Variants in RASAL2 observed in about 807,000 individuals in gnomAD.
The protein encoded by RASAL2 is ras GTPase-activating protein nGAP.
In RASAL2, 58 loss-of-function variants were observed where a neutral mutation model predicts 128.9. The ratio of observed to expected loss-of-function variants is 0.45; its 90% CI spans 0.36 to 0.56. RASAL2 has a LOEUF of 0.56. Ranked by LOEUF, RASAL2 falls within the 20% of genes least tolerant of loss-of-function variation. The pLI is 0.00. For synonymous variants in RASAL2, 561 were observed against 580.8 expected (o/e 0.97, Z 0.49); for missense variants, 1,360 against 1,601.6 (o/e 0.85, Z 2.57).
chr1:178,248,125 GT>G (rs1316685382), intron 1 of RASAL2, among the ~76,000 whole-genome samples: 2 of 152,176 alleles, frequency 1.3e-5, no homozygotes, highest in Non-Finnish European at 2.9e-5. Context: ...GAATATCCTT[GT>G]TAATTTTCTG....
intron 4 of RASAL2, among the ~76,000 whole-genome samples, chr1:178,393,084 AATC>A (rs1307611871): frequency 1.3e-5 from 2 of 152,130 alleles, no homozygotes; most frequent in Middle Eastern, 3.2e-3. Flanking sequence ...ACTCTTATCT[AATC>A]ATAGCCATAA....
At chr1:178,150,742 C>T (rs879519105) in intron 1 of RASAL2, among the ~76,000 whole-genome samples, 2 of 151,934 alleles carry the variant, frequency 1.3e-5, no homozygotes, top group Non-Finnish European at 2.9e-5. Flanking sequence ...TATTTTTAAC[C>T]CCCAAATCAA....
chr1:178,246,599 C>CTT (rs1406714339), intron 1 of RASAL2, among the ~76,000 whole-genome samples: 1 of 152,134 alleles, frequency 6.6e-6, no homozygotes, highest in Non-Finnish European at 1.5e-5. Flanking sequence ...ACTTCCAACA[C>CTT]TATGTTGAAT....
chr1:178,245,026 G>T (rs1454914380), intron 1 of RASAL2, among the ~76,000 whole-genome samples: 12 of 152,140 alleles, frequency 7.9e-5, no homozygotes, highest in Non-Finnish European at 1.8e-4. Context: ...AAATAGTGCT[G>T]CAATAAACAT....
chr1:178,164,269 TGCGGCACTTTTCTG>T (rs1661434917), intron 1 of RASAL2, among the ~76,000 whole-genome samples: 1 of 152,134 alleles, frequency 6.6e-6, no homozygotes, highest in African/African-American at 2.4e-5. Context: ...TGGTCAAAAA[TGCGGCACTTTTCTG>T]AGTTCAGGAC....
Position 178,445,628 on chromosome 1 carries a change from G to T in RASAL2, c.1593G>T (p.Lys531Asn). The T allele has an allele frequency of 6.2e-7, 1 of 1,613,658 alleles. No homozygotes were observed. Among genetic ancestry groups the T allele is most frequent in the Non-Finnish European group, 8.5e-7 (1 of 1,179,716 alleles). ...IATKSIEEYLKLVGQQYLHDA... is the reference protein window; with the variant it reads ...IATKSIEEYLNLVGQQYLHDA... ...CCAAATCCATTGAGGAATACCTCAAGTTGGTGGGACAACAGTATCTTCATG... is the reference window on the plus strand; with the variant it reads ...CCAAATCCATTGAGGAATACCTCAATTTGGTGGGACAACAGTATCTTCATG... Residue 531 changes from lysine (K) to asparagine (N), a missense_variant, in exon 9 of 18, where the codon AAG becomes AAT. Physicochemically the swap from Lys to Asn is moderately conservative, Grantham distance 94 (BLOSUM62 0). Around this residue, in one of 3 missense-constraint regions of RASAL2, gnomAD observed 617 missense variants for 714.2 expected, o/e 0.86. Transcript: ENST00000367649.
chr1:178,174,484 GATGGCCTAATAT>G (rs1365552327), intron 1 of RASAL2, among the ~76,000 whole-genome samples: 1 of 152,098 alleles, frequency 6.6e-6, no homozygotes, highest in Non-Finnish European at 1.5e-5. Flanking sequence ...GAAATTGAGT[GATGGCCTAATAT>G]ACACTTCTAA....
intron 12 of RASAL2, among the ~76,000 whole-genome samples, chr1:178,455,463 A>G (rs1165556683): frequency 6.6e-6 from 1 of 152,230 alleles, no homozygotes; most frequent in Non-Finnish European, 1.5e-5. Flanking sequence ...CCTATCAATA[A>G]AAATGCTATA....
intron 4 of RASAL2, among the ~76,000 whole-genome samples, chr1:178,396,137 C>G (rs1260158604): frequency 6.6e-6 from 1 of 152,028 alleles, no homozygotes; most frequent in Non-Finnish European, 1.5e-5. Flanking sequence ...ACTACCAAGA[C>G]TCTAAACTTG....
intron 1 of RASAL2, among the ~76,000 whole-genome samples, chr1:178,164,481 TTGTG>T (rs35942778): frequency 2.0e-4 from 29 of 145,098 alleles, no homozygotes; most frequent in East Asian, 4.1e-4. Context: ...TAATTAGCAT[TTGTG>T]TGTGTGTGTG....
chr1:178,266,772 G>A (rs1244964701), intron 1 of RASAL2, among the ~76,000 whole-genome samples: 3 of 152,148 alleles, frequency 2.0e-5, no homozygotes, highest in African/African-American at 7.2e-5. Flanking sequence ...GTTTGATCAG[G>A]CATGTCATTC....
chr1:178,298,206 A>T (rs1667603515), intron 2 of RASAL2, among the ~76,000 whole-genome samples: 1 of 152,212 alleles, frequency 6.6e-6, no homozygotes, highest in Non-Finnish European at 1.5e-5. Flanking sequence ...AGTAGAGATA[A>T]TAAAATTTCC....
intron 3 of RASAL2, among the ~76,000 whole-genome samples, chr1:178,334,408 G>A (rs551205479): frequency 8.0e-5 from 12 of 150,704 alleles, no homozygotes; most frequent in African/African-American, 1.7e-4. Flanking sequence ...GCACTATCTC[G>A]GGTCACTGCA....
chr1:178,453,536 A>G (rs1018852846), intron 11 of RASAL2, among the ~76,000 whole-genome samples: 1 of 152,112 alleles, frequency 6.6e-6, no homozygotes. Context: ...AAAATTTTTC[A>G]AAAGAAAATT....
intron 1 of RASAL2, among the ~76,000 whole-genome samples, chr1:178,146,690 T>A (rs1385140932): frequency 1.3e-5 from 2 of 152,238 alleles, no homozygotes. Context: ...ATTTGAATAA[T>A]GAATTAACAT....
chr1:178,369,191 C>T (rs1212882674), intron 3 of RASAL2, among the ~76,000 whole-genome samples: 2 of 150,488 alleles, frequency 1.3e-5, no homozygotes, highest in Non-Finnish European at 3.0e-5. Context: ...TATGGGGTCT[C>T]GCTTGTACCC....
chr1:178,225,421 A>C (rs1663751695), intron 1 of RASAL2, among the ~76,000 whole-genome samples: 1 of 152,018 alleles, frequency 6.6e-6, no homozygotes, highest in Non-Finnish European at 1.5e-5. Flanking sequence ...TCATTATTTT[A>C]AATAAAAGTA....
chr1:178,180,131 T>G (rs1336279210), intron 1 of RASAL2, among the ~76,000 whole-genome samples: 1 of 152,128 alleles, frequency 6.6e-6, no homozygotes, highest in Non-Finnish European at 1.5e-5. Context: ...TACATAAGGT[T>G]TCAGATTAAA....
rs747713824 is a variant in RASAL2 at position 178,473,151 on chromosome 1, G to A, written c.3755G>A (p.Ser1252Asn). 5.6e-6 allele frequency: 9 copies of A among 1,614,094 alleles called. No homozygotes were observed. Among genetic ancestry groups the A allele is most frequent in the Non-Finnish European group, 7.6e-6 (9 of 1,180,048 alleles). Reference protein sequence around the residue: ...SALTQVKERYSMQVRNGISPT... With the variant: ...SALTQVKERYNMQVRNGISPT... ...CTGACCCAAGTGAAGGAGCGGTACA[G>A]CATGCAGGTCCGCAATGGCATCTCC... The change falls in exon 18 of 18, where the codon AGC (serine) becomes AAC (asparagine). Residue 1252 changes from serine (S) to asparagine (N), a missense_variant. By Grantham distance (46) the Ser-to-Asn change is conservative. This residue lies in a region of RASAL2 where 741 missense variants were observed against 868.6 expected (regional missense o/e 0.85). Transcript: ENST00000367649.
Sources: gnomAD v4.1 joint callset for allele counts (sites outside exome capture counted in the v4.1 genomes callset) on GRCh38, gnomAD v4.1.1 for gene constraint, gnomAD v4.1.1 regional missense constraint, MANE v1.5 for transcripts, NCBI Gene and HGNC (gene_info 2026-07-23, HGNC 2026-07-21) for gene names.